RAPGEF4: variants seen among roughly 807,000 people sequenced by gnomAD.
The protein encoded by RAPGEF4 is Rap guanine nucleotide exchange factor 4.
In RAPGEF4, 66 loss-of-function variants were observed where a neutral mutation model predicts 147.9. The observed-to-expected ratio is 0.45, with a 90% CI of 0.37 to 0.55. The LOEUF (loss-of-function observed/expected upper bound fraction) is 0.55, where lower values mean the gene tolerates loss of function less well. Among genes scored for constraint, RAPGEF4 ranks in the 20% least tolerant of loss-of-function variants. RAPGEF4 has a pLI of 0.00. For synonymous variants in RAPGEF4, 419 were observed against 442.7 expected, an observed-to-expected ratio of 0.95 and a Z score of 0.67; for missense variants, 1,071 against 1,257.3, an observed-to-expected ratio of 0.85 and a Z score of 2.24.
chr2:172,918,066 T>C (rs751401411), intron 5 of RAPGEF4, 192 bp downstream of exon 5: 17 of 739,538 alleles, frequency 2.3e-5, no homozygotes, highest in Non-Finnish European at 3.9e-5. Flanking sequence ...TCTGTGGTCT[T>C]AGCTGATAGA....
At chr2:173,024,277 G>A (rs1216891767) in intron 23 of RAPGEF4, among the ~76,000 whole-genome samples, 3 of 138,712 alleles carry the variant, frequency 2.2e-5, no homozygotes, top group African/African-American at 5.0e-5. Context: ...GAGTGCAGTG[G>A]CGGGATCTCG....
At chr2:172,845,824 C>T (rs901086040) in intron 4 of RAPGEF4, among the ~76,000 whole-genome samples, 9 of 152,190 alleles carry the variant, frequency 5.9e-5, no homozygotes, top group African/African-American at 1.2e-4. Context: ...GGAAAACTTA[C>T]ACCCATTAGC....
intron 1 of RAPGEF4, among the ~76,000 whole-genome samples, chr2:172,785,981 A>G (rs1685153680): frequency 6.6e-6 from 1 of 152,202 alleles, no homozygotes; most frequent in Admixed American, 6.5e-5. Flanking sequence ...ACTGTCAGAT[A>G]GCCAAGCAAC....
chr2:172,910,267 T>A (rs1350965451), intron 4 of RAPGEF4, among the ~76,000 whole-genome samples: 1 of 152,146 alleles, frequency 6.6e-6, no homozygotes, highest in Admixed American at 6.5e-5. Flanking sequence ...TCCAATAACC[T>A]CTAGACAGTT....
intron 4 of RAPGEF4, 108 bp from the exon 5 acceptor site, chr2:172,917,694 G>A (rs1207755145): frequency 4.4e-6 from 4 of 914,252 alleles, no homozygotes; most frequent in East Asian, 4.8e-5. Flanking sequence ...TAAATACAAG[G>A]CTCAGATGCT....
intron 4 of RAPGEF4, among the ~76,000 whole-genome samples, chr2:172,864,195 A>G (rs751042754): frequency 5.3e-4 from 80 of 152,162 alleles, no homozygotes; most frequent in Non-Finnish European, 9.8e-4. Flanking sequence ...ACAAACGAGG[A>G]TGAGAGAAAA....
chr2:172,873,925 C>T (rs552873067), intron 4 of RAPGEF4, among the ~76,000 whole-genome samples: 9 of 152,054 alleles, frequency 5.9e-5, no homozygotes, highest in East Asian at 1.9e-4. Context: ...GACATTTATG[C>T]GGCCAACAAA....
chr2:173,014,339 G>A (rs372616722), intron 17 of RAPGEF4, 125 bp from the exon 18 acceptor site: 8 of 1,200,826 alleles, frequency 6.7e-6, no homozygotes, highest in Non-Finnish European at 9.6e-6. Flanking sequence ...TGAGGGCCTA[G>A]GGGAGGAATT....
intron 29 of RAPGEF4, among the ~76,000 whole-genome samples, chr2:173,037,735 G>A (rs1297398494): frequency 6.6e-6 from 1 of 152,052 alleles, no homozygotes; most frequent in Non-Finnish European, 1.5e-5. Context: ...CCTGGAGTCT[G>A]GGAGACATGA....
intron 10 of RAPGEF4, among the ~76,000 whole-genome samples, chr2:172,975,137 C>A (rs1370330809): frequency 1.3e-5 from 2 of 152,132 alleles, no homozygotes; most frequent in African/African-American, 2.4e-5. Context: ...TTTTTATTTG[C>A]CAAATCCGGC....
At chr2:172,973,701 G>C (rs960238471) in intron 10 of RAPGEF4, among the ~76,000 whole-genome samples, 2 of 152,184 alleles carry the variant, frequency 1.3e-5, no homozygotes, top group Non-Finnish European at 2.9e-5. Context: ...TTAGAGAGAG[G>C]TGTGGTGTGA....
intron 23 of RAPGEF4, among the ~76,000 whole-genome samples, chr2:173,021,567 A>G (rs935603880): frequency 1.3e-5 from 2 of 152,148 alleles, no homozygotes; most frequent in Admixed American, 6.5e-5. Flanking sequence ...CAGCCTGGGC[A>G]ACAGAGCGAG....
At chr2:172,810,255 G>T (rs1687898785) in intron 3 of RAPGEF4, among the ~76,000 whole-genome samples, 2 of 152,310 alleles carry the variant, frequency 1.3e-5, no homozygotes, top group Admixed American at 1.3e-4. Context: ...AATAGCAATA[G>T]TACTACTGAT....
intron 1 of RAPGEF4, among the ~76,000 whole-genome samples, chr2:172,746,325 C>T (rs1323977642): frequency 6.6e-6 from 1 of 152,146 alleles, no homozygotes. Context: ...GGTGTTCCGT[C>T]TCTTCTCTGT....
At chr2:172,806,254 C>A (rs1332390322) in intron 3 of RAPGEF4, among the ~76,000 whole-genome samples, 1 of 152,056 alleles carries the variant, frequency 6.6e-6, no homozygotes, top group Non-Finnish European at 1.5e-5. Context: ...TGGCTGCTGA[C>A]AGAATAAAGT....
chr2:172,913,554 G>A (rs560599568), intron 4 of RAPGEF4, among the ~76,000 whole-genome samples: 1 of 152,304 alleles, frequency 6.6e-6, no homozygotes, highest in East Asian at 1.9e-4. Flanking sequence ...CTCATGTGTT[G>A]GCTCCTGGGT....
At chr2:173,034,409 A>G (rs112399085) in intron 27 of RAPGEF4, among the ~76,000 whole-genome samples, 3 of 152,280 alleles carry the variant, frequency 2.0e-5, no homozygotes, top group African/African-American at 7.2e-5. Flanking sequence ...AGTGAGCCAG[A>G]CACCCAGGAA....
intron 11 of RAPGEF4, among the ~76,000 whole-genome samples, chr2:172,983,984 C>T (rs6722709): frequency 0.073 from 11,083 of 152,150 alleles, 591 homozygotes; most frequent in South Asian, 0.16. Context: ...GCTTATGGGG[C>T]CAACTCCACC....
chr2:173,033,997 T>G, intron 27 of RAPGEF4, 33 bp downstream of exon 27: 1 of 1,573,572 alleles, frequency 6.4e-7, no homozygotes, highest in Non-Finnish European at 8.6e-7. Flanking sequence ...TTCTGTTCAC[T>G]GTCTACATTA....
Sources: allele counts gnomAD v4.1 joint callset (sites outside exome capture counted in the v4.1 genomes callset), GRCh38; gene constraint gnomAD v4.1.1; transcripts MANE v1.5; gene names NCBI Gene and HGNC (gene_info 2026-07-23, HGNC 2026-07-21).